CNGB1: variants seen among roughly 807,000 people sequenced by gnomAD.
The protein encoded by CNGB1 is cyclic nucleotide gated channel subunit beta 1.
CNGB1 carries 126 observed loss-of-function variants against 151.7 expected under a neutral mutation model. The observed-to-expected ratio is 0.83, with a 90% CI of 0.72 to 0.96. The LOEUF is 0.96. Among genes scored for constraint, CNGB1 ranks in the 40% least tolerant of loss-of-function variants. The probability of loss-of-function intolerance (pLI) is 0.00; values close to 1 mark genes in which losing one functional copy is unlikely to be tolerated. For synonymous variants in CNGB1, 623 were observed against 635.1 expected (o/e 0.98, Z 0.29); for missense variants, 1,698 against 1,627.0 (o/e 1.04, Z -0.75).
intron 21 of CNGB1, among the ~76,000 whole-genome samples, chr16:57,916,475 T>C (rs1330540452): frequency 1.3e-5 from 2 of 152,244 alleles, no homozygotes; most frequent in South Asian, 2.1e-4. Flanking sequence ...ATCTGTTTAC[T>C]AAGGAATTGG....
chr16:57,969,585 C>A (rs779148975), intron 1 of CNGB1, among the ~76,000 whole-genome samples: 1 of 152,022 alleles, frequency 6.6e-6, no homozygotes, highest in Non-Finnish European at 1.5e-5. Context: ...CCAGCCTGGT[C>A]GACAGAGTAA....
chr16:57,944,729 C>A (rs1293731671), intron 14 of CNGB1, among the ~76,000 whole-genome samples: 3 of 151,552 alleles, frequency 2.0e-5, no homozygotes, highest in African/African-American at 7.3e-5. Flanking sequence ...TCGAGGTGGG[C>A]GGATCACTTG....
chr16:57,903,903 T>G lies in CNGB1; in HGVS notation c.2713A>C (p.Asn905His). 2 of 1,614,160 alleles carry G rather than the reference T, an allele frequency of 1.2e-6. No homozygotes were observed. The highest frequency in any genetic ancestry group is 1.3e-5 in the African/African-American group (1 of 75,040). Residue 905 changes from asparagine (N) to histidine (H), a missense_variant, in exon 27 of 33, where the codon AAT becomes CAT. Physicochemically the swap from Asn to His is moderately conservative, Grantham distance 68 (BLOSUM62 1). Coordinates refer to ENST00000251102, the MANE Select transcript of CNGB1 (RefSeq NM_001297.5). ...SCMDSTVKYM[N>H]FYKIPKSVQN... is the part of the protein sequence containing the mutation. Reference sequence around the variant, plus strand: ...ACGGACTTGGGGATCTTGTAGAAATTCATGTACTTCACCGTGCTGTCCATG... The same window carrying G: ...ACGGACTTGGGGATCTTGTAGAAATGCATGTACTTCACCGTGCTGTCCATG...
In CNGB1 at chr16:57,883,823, A is replaced by G; in HGVS notation, c.*341T>C. The G allele has an allele frequency of 2.3e-6, 1 of 428,440 alleles. No homozygotes were observed. The allele number at this position is 428,440 out of a possible 1,614,324, so 26.5% of individuals were successfully genotyped here. A position where few individuals can be genotyped will look rare whatever the true frequency, so the allele number is the denominator to read the frequency against. ...TTCAGCAAAGCTTCCCATGTATTGG[A>G]GCCTCATTTTATCCCTCACCCATGA... On this transcript the variant is annotated 3_prime_UTR_variant, in exon 33 of 33. Coordinates refer to ENST00000251102, the MANE Select transcript of CNGB1 (RefSeq NM_001297.5).
At chr16:57,945,129 G>A (rs902714086) in intron 14 of CNGB1, among the ~76,000 whole-genome samples, 2 of 151,970 alleles carry the variant, frequency 1.3e-5, no homozygotes, top group African/African-American at 2.4e-5. Context: ...CGGTCATACC[G>A]CCTGTGCAAG....
At chr16:57,921,002 A>G (rs1961016224) in intron 18 of CNGB1, among the ~76,000 whole-genome samples, 1 of 152,174 alleles carries the variant, frequency 6.6e-6, no homozygotes, top group Non-Finnish European at 1.5e-5. Flanking sequence ...GATACATTCT[A>G]TATCCCTTTA....
At chr16:57,904,999 A>G (rs1337751539) in intron 25 of CNGB1, 124 bp from the exon 26 acceptor site, 3 of 1,281,484 alleles carry the variant, frequency 2.3e-6, no homozygotes, top group Non-Finnish European at 3.3e-6. Flanking sequence ...TTTACAGCTC[A>G]TCTATGCAAG....
chr16:57,903,585 C>A (rs1293164403), intron 27 of CNGB1, among the ~76,000 whole-genome samples: 8 of 152,206 alleles, frequency 5.3e-5, no homozygotes, highest in Non-Finnish European at 1.2e-4. Context: ...GGGGGGCAGG[C>A]ACACAGAAGA....
chr16:57,942,321 A>T (rs1028094691), intron 14 of CNGB1, among the ~76,000 whole-genome samples: 13 of 151,576 alleles, frequency 8.6e-5, no homozygotes, highest in East Asian at 3.9e-4. Context: ...TCTTATATAT[A>T]AAAAAAAACC....
At chr16:57,931,000 GT>G (rs1210959870) in intron 17 of CNGB1, among the ~76,000 whole-genome samples, 115 of 148,560 alleles carry the variant, frequency 7.7e-4, no homozygotes, top group African/African-American at 2.2e-3. Context: ...AAATTTAAGA[GT>G]TTTTTTTTTA....
intron 1 of CNGB1, among the ~76,000 whole-genome samples, chr16:57,967,960 T>C (rs1304472748): frequency 6.6e-6 from 1 of 152,086 alleles, no homozygotes; most frequent in African/African-American, 2.4e-5. Context: ...TGTAACTAAA[T>C]GTTCATCTCT....
At chr16:57,956,987 A>T (rs1259584260) in intron 12 of CNGB1, among the ~76,000 whole-genome samples, 1 of 152,152 alleles carries the variant, frequency 6.6e-6, no homozygotes, top group East Asian at 1.9e-4. Context: ...AGCTTGGCCA[A>T]ACCCATTTGC....
In CNGB1 at chr16:57,949,370, T is replaced by TTCC. The variant is rs141566950; in HGVS notation, c.1101_1103dup (p.Glu371dup). 5.4e-3 allele frequency: 8,657 copies of TTCC among 1,611,872 alleles called. 345 individuals are homozygous for TTCC. The African/African-American group carries it at 0.1, about 19-fold the overall frequency. On this transcript the variant is annotated inframe_insertion, in exon 14 of 33. Coordinates refer to ENST00000251102, the MANE Select transcript of CNGB1 (RefSeq NM_001297.5). ...TGACTTACTCAGTCACCTCCTCCTC[T>TTCC]TCCTCCTCCTCCTCCTCTTCCTCTT...
intron 7 of CNGB1, among the ~76,000 whole-genome samples, chr16:57,961,154 C>T (rs1962245895): frequency 6.6e-6 from 1 of 152,190 alleles, no homozygotes; most frequent in Non-Finnish European, 1.5e-5. Flanking sequence ...CCTCCTGGGG[C>T]AGCAGGGGAG....
intron 21 of CNGB1, 80 bp from the exon 22 acceptor site, chr16:57,916,259 C>A: frequency 7.3e-7 from 1 of 1,372,176 alleles, no homozygotes; most frequent in Non-Finnish European, 1.0e-6. Flanking sequence ...GAAACTTCCC[C>A]AAGAACCCCA....
At chr16:57,904,967 G>T in intron 25 of CNGB1, 92 bp from the exon 26 acceptor site, 1 of 1,513,042 alleles carries the variant, frequency 6.6e-7, no homozygotes, top group Non-Finnish European at 9.2e-7. Context: ...ATAGATGCAT[G>T]TTGTGCAAAA....
intron 4 of CNGB1, among the ~76,000 whole-genome samples, chr16:57,963,520 G>C (rs923330377): frequency 6.6e-6 from 1 of 152,146 alleles, no homozygotes; most frequent in Non-Finnish European, 1.5e-5. Flanking sequence ...TGTGGCACAG[G>C]CTGAGCAGCC....
intron 17 of CNGB1, among the ~76,000 whole-genome samples, chr16:57,929,690 A>G (rs1961293145): frequency 6.6e-6 from 1 of 152,208 alleles, no homozygotes; most frequent in East Asian, 1.9e-4. Context: ...AAATGCCAGA[A>G]GTGCCACAGT....
At chr16:57,964,408 C>G in intron 3 of CNGB1, 79 bp downstream of exon 3, 4 of 1,568,052 alleles carry the variant, frequency 2.6e-6, no homozygotes, top group Non-Finnish European at 3.5e-6. Context: ...GGTCCGCCAG[C>G]CTCGTGGGCT....
Sources: gnomAD v4.1 joint callset for allele counts (sites outside exome capture counted in the v4.1 genomes callset) on GRCh38, gnomAD v4.1.1 for gene constraint, MANE v1.5 for transcripts, NCBI Gene and HGNC (gene_info 2026-07-23, HGNC 2026-07-21) for gene names.